Variants in COA1 observed in about 807,000 individuals in gnomAD.
The protein encoded by COA1 is cytochrome c oxidase assembly factor 1, also known as cytochrome c oxidase assembly factor 1 homolog.
COA1 carries 13 observed loss-of-function variants against 16.0 expected under a neutral mutation model. The observed-to-expected ratio is 0.81, with a 90% CI of 0.53 to 1.29. The LOEUF (loss-of-function observed/expected upper bound fraction) is 1.29, where lower values mean the gene tolerates loss of function less well. Among genes scored for constraint, COA1 ranks in the 50% most tolerant of loss-of-function variants. The pLI is 0.00. For synonymous variants in COA1, 65 were observed against 65.7 expected (o/e 0.99, Z 0.05); for missense variants, 179 against 177.0 (o/e 1.01, Z -0.06).
chr7:43,647,322 C>T (rs2089621213), intron 3 of COA1: 1 of 594,538 alleles, frequency 1.7e-6, no homozygotes, highest in African/African-American at 1.9e-5. Context: ...GCATATTAGT[C>T]CTGGTCCTTT....
intron 1 of COA1, among the ~76,000 whole-genome samples, chr7:43,711,704 G>A (rs181967526): frequency 6.6e-6 from 1 of 152,290 alleles, no homozygotes; most frequent in East Asian, 1.9e-4. Flanking sequence ...ATGGCCTACT[G>A]CTCCTAGGCT....
chr7:43,667,322 A>G (rs1395922779), intron 1 of COA1, among the ~76,000 whole-genome samples: 1 of 152,206 alleles, frequency 6.6e-6, no homozygotes, highest in Non-Finnish European at 1.5e-5. Context: ...CATTCAGAAA[A>G]GAGGTAAAAA....
chr7:43,660,894 G>A (rs1292951698), intron 1 of COA1, among the ~76,000 whole-genome samples: 2 of 152,068 alleles, frequency 1.3e-5, no homozygotes, highest in South Asian at 2.1e-4. Flanking sequence ...ATCCTATTCA[G>A]AATAAAATCT....
chr7:43,631,255 T>C (rs959728856), intron 6 of COA1: 3 of 152,264 alleles, frequency 2.0e-5, no homozygotes, highest in Non-Finnish European at 4.4e-5. Flanking sequence ...TGAGGCAGTC[T>C]TGCTCTGTTG....
At chr7:43,679,617 C>A (rs1275789253) in intron 1 of COA1, among the ~76,000 whole-genome samples, 2 of 152,192 alleles carry the variant, frequency 1.3e-5, no homozygotes, top group African/African-American at 4.8e-5. Context: ...CTGTAATCAT[C>A]CCCTGGACTA....
intron 1 of COA1, among the ~76,000 whole-genome samples, chr7:43,723,975 G>A (rs1427996617): frequency 1.3e-5 from 2 of 151,940 alleles, no homozygotes; most frequent in Non-Finnish European, 2.9e-5. Context: ...TTTACAATTT[G>A]GAAAACTATC....
At chr7:43,641,389 T>C (rs1043118130) in intron 4 of COA1, 1 of 151,326 alleles carries the variant, frequency 6.6e-6, no homozygotes, top group African/African-American at 2.4e-5. Context: ...CTTATGTGTA[T>C]GATGTTTGAA....
intron 1 of COA1, among the ~76,000 whole-genome samples, chr7:43,682,991 G>T (rs35441820): frequency 0.15 from 22,152 of 152,080 alleles, 2,176 homozygotes; most frequent in Non-Finnish European, 0.21. Flanking sequence ...TGGGTTTACA[G>T]GTGCCCACCG....
chr7:43,618,366 G>T (rs367790851), intron 6 of COA1, among the ~76,000 whole-genome samples: 1 of 152,178 alleles, frequency 6.6e-6, no homozygotes, highest in Non-Finnish European at 1.5e-5. Flanking sequence ...AAGGCAGTAC[G>T]TGTGTAAAGG....
intron 1 of COA1, among the ~76,000 whole-genome samples, chr7:43,686,377 G>A (rs1368239944): frequency 7.7e-5 from 11 of 143,110 alleles, no homozygotes; most frequent in East Asian, 4.2e-4. Context: ...CGCGATCTCC[G>A]CTCACTGCAA....
At chr7:43,630,977 T>C (rs559351955) in intron 6 of COA1, among the ~76,000 whole-genome samples, 20 of 152,304 alleles carry the variant, frequency 1.3e-4, no homozygotes, top group African/African-American at 4.8e-4. Flanking sequence ...ACTACCAATT[T>C]AGAAAACTCA....
intron 1 of COA1, among the ~76,000 whole-genome samples, chr7:43,691,377 G>GAGGAAGGAAGGAAGGAAGGA (rs1196489846): frequency 8.4e-4 from 26 of 30,834 alleles, no homozygotes; most frequent in East Asian, 4.2e-3. Context: ...GGGAGGGAGG[G>GAGGAAGGAAGGAAGGAAGGA]AGGAAGGAAG....
At position 43,715,006 on chromosome 7, in the gene COA1, TAAAAAAAAAAAAAAAA is replaced by T. The variant is rs755827781; in HGVS notation, c.-39+14407_-39+14422del. ...TGGGCAAAAGAGTGAGCCTCTTGTC[TAAAAAAAAAAAAAAAA>T]AAAAAAAAAAGGAAACATTTAATAC... On this transcript the variant is annotated intron_variant, in intron 1 of 5. Coordinates refer to ENST00000223336, the MANE Select transcript of COA1 (RefSeq NM_018224.4). 6.3e-5 allele frequency among the ~76,000 whole-genome samples: 6 copies of T among 95,778 alleles called. 1 individual carries two copies. Among genetic ancestry groups the T allele is most frequent in the East Asian group, 3.7e-4 (1 of 2,702 alleles). 62.8% of individuals were successfully genotyped at this position (95,778 alleles called of 152,430 possible). A position where few individuals can be genotyped will look rare whatever the true frequency, so the allele number is the denominator to read the frequency against.
intron 6 of COA1, among the ~76,000 whole-genome samples, chr7:43,619,336 G>A (rs1233694142): frequency 1.3e-5 from 2 of 152,118 alleles, no homozygotes; most frequent in Non-Finnish European, 2.9e-5. Flanking sequence ...ATGGGGAATG[G>A]TTTCCATAAG....
chr7:43,633,831 C>T (rs761511103), intron 6 of COA1, among the ~76,000 whole-genome samples: 6 of 151,740 alleles, frequency 4.0e-5, no homozygotes, highest in Non-Finnish European at 5.9e-5. Context: ...CTTTTTCAGC[C>T]CCACCCTCCC....
chr7:43,628,787 T>C (rs2084879915), intron 6 of COA1, among the ~76,000 whole-genome samples: 1 of 152,250 alleles, frequency 6.6e-6, no homozygotes. Flanking sequence ...GTCAGATTTA[T>C]GTGTCACATA....
At chr7:43,687,091 A>G (rs776988293) in intron 1 of COA1, among the ~76,000 whole-genome samples, 1 of 152,064 alleles carries the variant, frequency 6.6e-6, no homozygotes, top group Non-Finnish European at 1.5e-5. Context: ...ATCCTCTGCT[A>G]TTAACTTACC....
intron 1 of COA1, among the ~76,000 whole-genome samples, chr7:43,676,023 G>A (rs2129932491): frequency 6.6e-6 from 1 of 152,092 alleles, no homozygotes; most frequent in South Asian, 2.1e-4. Context: ...CTCACTTATG[G>A]GAATCCTATC....
intron 6 of COA1, among the ~76,000 whole-genome samples, chr7:43,621,592 C>T (rs542946265): frequency 3.3e-5 from 5 of 152,210 alleles, no homozygotes; most frequent in African/African-American, 7.2e-5. Flanking sequence ...CTCAGCCTCC[C>T]GAGTAGCTGG....
Sources: gnomAD v4.1 joint callset for allele counts (sites outside exome capture counted in the v4.1 genomes callset) on GRCh38, gnomAD v4.1.1 for gene constraint, MANE v1.5 for transcripts, NCBI Gene and HGNC (gene_info 2026-07-23, HGNC 2026-07-21) for gene names.